The following PFAS variants were observed in gnomAD, a reference collection of about 807,000 sequenced individuals.
PFAS encodes the protein FGAM synthase.
Under a neutral mutation model 140.6 loss-of-function variants are expected in PFAS, and 97 were observed. The ratio of observed to expected loss-of-function variants is 0.69; its 90% CI spans 0.59 to 0.82. PFAS has a LOEUF of 0.82. Ranked by LOEUF, PFAS falls within the 40% of genes least tolerant of loss-of-function variation. PFAS has a pLI of 0.00. For synonymous variants in PFAS, 679 were observed against 718.8 expected, an observed-to-expected ratio of 0.94 and a Z score of 0.88; for missense variants, 1,656 against 1,780.2, an observed-to-expected ratio of 0.93 and a Z score of 1.26.
rs754637410 is a variant in PFAS at position 8,258,073 on chromosome 17, T to C, written c.1210T>C (p.Phe404Leu). The C allele has an allele frequency of 6.2e-7, 1 of 1,614,130 alleles. No individual in the cohort carries two copies. The highest frequency in any genetic ancestry group is 8.5e-7 in the Non-Finnish European group (1 of 1,180,014). ...NKFGEPVLAGFARSLGLQLPD... is the reference protein window; with the variant it reads ...NKFGEPVLAGLARSLGLQLPD... ...TCCCTCTGATGTTCACACTCCAGGC[T>C]TCGCCCGCTCCTTGGGCCTCCAGCT... Residue 404 changes from phenylalanine to leucine, a missense_variant and splice_region_variant, in exon 11 of 28, where the codon TTC becomes CTC. This residue lies in a region of PFAS where 773 missense variants were observed against 757.3 expected (regional missense o/e 1.02). Coordinates refer to ENST00000314666, the MANE Select transcript of PFAS (RefSeq NM_012393.3).
In PFAS at chr17:8,258,179, G is replaced by A. The variant is rs1201332103; in HGVS notation, c.1316G>A (p.Ser439Asn). Residue 439 changes from serine (S) to asparagine (N), a missense_variant, in exon 11 of 28, where the codon AGC (serine) becomes AAC (asparagine). Transcript: ENST00000314666. ...GIGSMEADHI[S>N]KEAPEPGMEV... is the part of the protein sequence containing the mutation. Reference sequence around the variant, plus strand: ...GGGTCCATGGAAGCTGACCACATAAGCAAGGAGGCCCCAGAGCCAGGTAAG... The same window carrying A: ...GGGTCCATGGAAGCTGACCACATAAACAAGGAGGCCCCAGAGCCAGGTAAG... 3 of 1,614,098 alleles carry A rather than the reference G, an allele frequency of 1.9e-6. No individual in the cohort carries two copies. The highest frequency in any genetic ancestry group is 2.5e-6 in the Non-Finnish European group (3 of 1,180,030).
intron 11 of PFAS, chr17:8,262,441 T>C (rs2151589151): frequency 6.3e-6 from 1 of 159,000 alleles, no homozygotes; most frequent in East Asian, 1.8e-4. Flanking sequence ...TTGGTTGTTA[T>C]TGCCAAATCG....
rs1326889103 is a variant in PFAS, at chr17:8,267,958, ATATATATTATTTATATATATTATT to A, written c.3382+305_3382+328del. ...TGTATATTATTTATATATTATTAAAATATATATTATTTATATATATTATTTATATATTATTAAAATATATTATTT... is the reference window on the plus strand; with the variant it reads ...TGTATATTATTTATATATTATTAAAATATATATTATTAAAATATATTATTT... On this transcript the variant is annotated intron_variant, in intron 26 of 27. Coordinates refer to ENST00000314666, the MANE Select transcript of PFAS (RefSeq NM_012393.3). This position sits in a 1 kb window ranked among gnomAD's most constrained non-coding sequence, Gnocchi z 4.9. 7.0e-6 allele frequency among the ~76,000 whole-genome samples: 1 copy of A among 143,516 alleles called. No individual in the cohort carries two copies. Among genetic ancestry groups the A allele is most frequent in the Admixed American group, 7.0e-5 (1 of 14,214 alleles). The allele number at this position is 143,516 out of a possible 152,430, so 94.2% of individuals were successfully genotyped here.
At chr17:8,251,455 A>G (rs1235557002) in intron 1 of PFAS, among the ~76,000 whole-genome samples, 2 of 145,202 alleles carry the variant, frequency 1.4e-5, no homozygotes, top group Non-Finnish European at 3.1e-5. Context: ...CTAATTTTTA[A>G]TTTTTTTTTT....
Position 8,267,318 on chromosome 17 carries a change from G to A in PFAS, c.3176-54G>A, listed in dbSNP as rs1014056617. 1.9e-5 allele frequency: 30 copies of A among 1,595,164 alleles called. No individual in the cohort carries two copies. The highest frequency in any genetic ancestry group is 2.4e-5 in the Non-Finnish European group (28 of 1,163,572). Reference sequence around the variant, plus strand: ...GCCTGCCCTCAGAAAGGTGTCTGGGGAGTTGGGGTGGGGAAGTGACTTTCT... The same window carrying A: ...GCCTGCCCTCAGAAAGGTGTCTGGGAAGTTGGGGTGGGGAAGTGACTTTCT... On this transcript the variant is annotated intron_variant, in intron 24 of 27. Transcript: ENST00000314666. The surrounding 1 kb of genome is among the most constrained non-coding windows in gnomAD (Gnocchi z 4.9).
At chr17:8,268,405 G>C in intron 26 of PFAS, 128 bp from the exon 27 acceptor site, 1 of 643,282 alleles carries the variant, frequency 1.6e-6, no homozygotes. Flanking sequence ...AGGAAAGGAA[G>C]GAAGGAGGGA....
At chr17:8,254,398 C>T in intron 3 of PFAS, 97 bp downstream of exon 3, 8 of 1,427,334 alleles carry the variant, frequency 5.6e-6, no homozygotes, top group Non-Finnish European at 7.8e-6. Context: ...TTTGCTACTT[C>T]CTGCCTAGGA....
intron 17 of PFAS, 94 bp downstream of exon 17, chr17:8,264,695 C>A: frequency 1.4e-6 from 2 of 1,379,976 alleles, no homozygotes; most frequent in Non-Finnish European, 2.0e-6. Context: ...GGGGTTTTTG[C>A]CTGGCCCTGC....
At chr17:8,268,915 AG>A in intron 27 of PFAS, 38 bp from the exon 28 acceptor site, 1 of 1,613,042 alleles carries the variant, frequency 6.2e-7, no homozygotes, top group Non-Finnish European at 8.5e-7. Context: ...GTGGGCATGA[AG>A]GACCTTGGCT....
chr17:8,268,836 T>C lies in PFAS; in HGVS notation c.3686T>C (p.Val1229Ala), dbSNP rs1223428414. 1 of 1,608,362 alleles carries C rather than the reference T, an allele frequency of 6.2e-7. No homozygotes were observed. Among genetic ancestry groups the C allele is most frequent in the Admixed American group, 1.7e-5 (1 of 60,006 alleles). ...GGGATGGAGGGCGCCGTGCTGCCCG[T>C]GTGGAGTGCGCACGGGGAAGGTCAG... Reference protein sequence around the residue: ...LRGMEGAVLPVWSAHGEGYVA... With the variant: ...LRGMEGAVLPAWSAHGEGYVA... Residue 1229 changes from valine to alanine, a missense_variant, in exon 27 of 28, where the codon GTG (valine) becomes GCG (alanine). Around this residue, in one of 2 missense-constraint regions of PFAS, gnomAD observed 883 missense variants for 1,023.0 expected, o/e 0.86. Coordinates refer to ENST00000314666, the MANE Select transcript of PFAS (RefSeq NM_012393.3).
rs1394616935 is a variant in PFAS, at chr17:8,266,072, G to A, written c.2701+55G>A. The A allele has an allele frequency of 1.4e-5, 21 of 1,546,680 alleles. No individual in the cohort carries two copies. The highest frequency in any genetic ancestry group is 2.4e-5 in the South Asian group (2 of 82,792). On this transcript the variant is annotated intron_variant, in intron 21 of 27. Coordinates refer to ENST00000314666, the MANE Select transcript of PFAS (RefSeq NM_012393.3). This position sits in a 1 kb window ranked among gnomAD's most constrained non-coding sequence, Gnocchi z 5.0. ...ACAGGGTGCCAGGCGTGCAGCAGGC[G>A]TTCACCATCTGAGCAGTGGGGCAAA...
At chr17:8,262,001 G>A (rs1311142914) in intron 11 of PFAS, among the ~76,000 whole-genome samples, 3 of 150,224 alleles carry the variant, frequency 2.0e-5, no homozygotes, top group Non-Finnish European at 4.4e-5. Context: ...GGGCAACCGA[G>A]CAAGACCCCA....
chr17:8,248,122 G>T (rs1012031182), upstream of PFAS: 3 of 1,010,024 alleles, frequency 3.0e-6, no homozygotes, highest in Admixed American at 4.1e-5. Flanking sequence ...TGACGTCACC[G>T]GTGAGCGGGT....
In PFAS at chr17:8,270,429, C is replaced by G. The variant is rs551942269; in HGVS notation, c.*1165C>G. The G allele has an allele frequency of 1.3e-5, 2 of 152,334 alleles. No individual in the cohort carries two copies. Among genetic ancestry groups the G allele is most frequent in the East Asian group, 1.9e-4 (1 of 5,194 alleles). The allele number at this position is 152,334 out of a possible 1,614,324, so 9.4% of individuals were successfully genotyped here. A position where few individuals can be genotyped will look rare whatever the true frequency, so the allele number is the denominator to read the frequency against. Reference sequence around the variant, plus strand: ...ATCTGAATTAATTCTCACTAAAATTCAGCAAAGGACTTGATAGCCCCTCCC... The same window carrying G: ...ATCTGAATTAATTCTCACTAAAATTGAGCAAAGGACTTGATAGCCCCTCCC... On this transcript the variant is annotated 3_prime_UTR_variant, in exon 28 of 28. Transcript: ENST00000314666.
Position 8,256,903 on chromosome 17 carries a change from C to T in PFAS, c.1015C>T (p.Arg339Cys), listed in dbSNP as rs200154240. The T allele has an allele frequency of 3.8e-5, 61 of 1,614,090 alleles. No homozygotes were observed. In the East Asian group the frequency reaches 1.1e-3, roughly 29 times the overall value. Reference protein sequence around the residue: ...GRIRDVQCTGRGAHVVAGTAG... With the variant: ...GRIRDVQCTGCGAHVVAGTAG... ...GATTCGAGATGTCCAGTGCACAGGC[C>T]GCGGGGCCCACGTGGTGGCTGGCAC... The change falls in exon 9 of 28, where the codon CGC (arginine) becomes TGC (cysteine). Residue 339 changes from arginine (R) to cysteine (C), a missense_variant. This residue lies in a region of PFAS where 773 missense variants were observed against 757.3 expected (regional missense o/e 1.02). Transcript: ENST00000314666.
At chr17:8,260,542 G>T (rs1194770441) in intron 11 of PFAS, among the ~76,000 whole-genome samples, 1 of 152,194 alleles carries the variant, frequency 6.6e-6, no homozygotes, top group African/African-American at 2.4e-5. Context: ...TTCCTTAGTT[G>T]GTGGACATTG....
rs202072726 is a variant in PFAS at position 8,268,733 on chromosome 17, C to T, written c.3583C>T (p.Arg1195Cys). 136 of 1,612,826 alleles carry T rather than the reference C, an allele frequency of 8.4e-5. No homozygotes were observed. Among genetic ancestry groups the T allele is most frequent in the South Asian group, 6.9e-4 (63 of 91,090 alleles). The change falls in exon 27 of 28, where the codon CGC (arginine) becomes TGC (cysteine). Residue 1195 changes from arginine to cysteine, a missense_variant. Physicochemically the swap from Arg to Cys is radical, Grantham distance 180. Around this residue, in one of 2 missense-constraint regions of PFAS, gnomAD observed 883 missense variants for 1,023.0 expected, o/e 0.86. Transcript: ENST00000314666. ...GCCAGCCCGGCCAGGCCTTCTGCTA[C>T]GCCACAACCTGTCTGGGCGCTACGA... ...SQPARPGLLL[R>C]HNLSGRYESR... is the part of the protein sequence containing the mutation.
intron 1 of PFAS, among the ~76,000 whole-genome samples, chr17:8,250,153 T>G (rs572132098): frequency 7.9e-5 from 12 of 152,216 alleles, no homozygotes; most frequent in African/African-American, 2.9e-4. Flanking sequence ...AAGAAGCTAA[T>G]GTGTGGTTGG....
At chr17:8,255,950 G>C (rs1989345678) in intron 6 of PFAS, 40 bp downstream of exon 6, 1 of 1,461,232 alleles carries the variant, frequency 6.8e-7, no homozygotes. Flanking sequence ...TGAGCCCATG[G>C]GTGTTGGGAG....
Sources: allele counts gnomAD v4.1 joint callset (sites outside exome capture counted in the v4.1 genomes callset), GRCh38; gene constraint gnomAD v4.1.1; regional missense constraint gnomAD v4.1.1; non-coding constraint Gnocchi (gnomAD v3.1); transcripts MANE v1.5; gene names NCBI Gene and HGNC (gene_info 2026-07-23, HGNC 2026-07-21).